Variants in IGSF21 observed in about 807,000 individuals in gnomAD.
The protein encoded by IGSF21 is immunoglobulin superfamily member 21.
A neutral mutation model predicts 46.8 loss-of-function variants in IGSF21; 28 were observed. That is an observed-to-expected ratio of 0.60 (90% CI 0.44 to 0.82). IGSF21 has a LOEUF of 0.82. Ranked by LOEUF, IGSF21 falls within the 40% of genes least tolerant of loss-of-function variation. The probability of loss-of-function intolerance (pLI) is 0.00; values close to 1 mark genes in which losing one functional copy is unlikely to be tolerated. For synonymous variants in IGSF21, 284 were observed against 273.6 expected, an observed-to-expected ratio of 1.04 and a Z score of -0.38; for missense variants, 624 against 665.5, an observed-to-expected ratio of 0.94 and a Z score of 0.69.
chr1:18,354,496 C>G (rs2085994050), intron 4 of IGSF21, among the ~76,000 whole-genome samples: 1 of 152,152 alleles, frequency 6.6e-6, no homozygotes, highest in Non-Finnish European at 1.5e-5. Flanking sequence ...TGGTTTTCTT[C>G]TTTTGTGAAA....
chr1:18,368,435 C>A (rs1366239519), intron 6 of IGSF21, among the ~76,000 whole-genome samples: 6 of 150,008 alleles, frequency 4.0e-5, no homozygotes, highest in Non-Finnish European at 8.9e-5. Context: ...CACTTGAACC[C>A]AGGAGGCAGA....
At position 18,183,404 on chromosome 1, in the gene IGSF21, C is replaced by T. The variant is rs60261372; in HGVS notation, c.71-44494C>T. On this transcript the variant is annotated intron_variant, in intron 1 of 9. Coordinates refer to ENST00000251296, the MANE Select transcript of IGSF21 (RefSeq NM_032880.5). ...AATTAAACCTCAAGGTAGCTGGTAA[C>T]AATGAATGCAAGTAGATAGGATATA... is the stretch of plus-strand genomic sequence containing the variant. Among the ~76,000 whole-genome samples the T allele has an allele frequency of 7.7e-3, 1,171 of 152,210 alleles. 16 individuals are homozygous for T. The highest frequency in any genetic ancestry group is 0.018 in the African/African-American group (744 of 41,512).
chr1:18,350,351 G>A (rs1452495770), intron 4 of IGSF21, among the ~76,000 whole-genome samples: 1 of 152,190 alleles, frequency 6.6e-6, no homozygotes, highest in Non-Finnish European at 1.5e-5. Flanking sequence ...ACCTGGGTCA[G>A]GGCAAGGCCA....
chr1:18,262,810 C>T lies in IGSF21; in HGVS notation c.184-29056C>T, dbSNP rs183370506. On this transcript the variant is annotated intron_variant, in intron 2 of 9. Transcript: ENST00000251296. ...TCCAGAGGCAAGCTTTACTAGAGAC[C>T]TGGCCTCAAGGGGCTGCCTGCGACC... Among the ~76,000 whole-genome samples, 343 of 152,298 alleles carry T rather than the reference C, an allele frequency of 2.3e-3. 4 individuals are homozygous for T. Among genetic ancestry groups the T allele is most frequent in the Non-Finnish European group, 2.8e-3 (188 of 68,024 alleles).
chr1:18,302,181 A>T (rs56160085), intron 3 of IGSF21, among the ~76,000 whole-genome samples: 108,864 of 135,190 alleles, frequency 0.81, 41,269 homozygotes, highest in East Asian at 0.95. Flanking sequence ...CTCCAGGCCC[A>T]AGCTCCAATG....
intron 4 of IGSF21, among the ~76,000 whole-genome samples, chr1:18,348,413 C>A (rs2085916706): frequency 6.6e-6 from 1 of 152,210 alleles, no homozygotes; most frequent in South Asian, 2.1e-4. Flanking sequence ...GCCTCCCAGG[C>A]CCCGCCAGAG....
intron 3 of IGSF21, among the ~76,000 whole-genome samples, chr1:18,302,552 C>T (rs528392319): frequency 1.3e-5 from 2 of 152,286 alleles, no homozygotes; most frequent in African/African-American, 4.8e-5. Context: ...TTCTCTCCCC[C>T]CTTTCCAAGA....
At chr1:18,229,247 G>T (rs2084600259) in intron 2 of IGSF21, among the ~76,000 whole-genome samples, 1 of 152,154 alleles carries the variant, frequency 6.6e-6, no homozygotes, top group African/African-American at 2.4e-5. Flanking sequence ...TGGGGGGTGG[G>T]CACCAAACTG....
intron 1 of IGSF21, among the ~76,000 whole-genome samples, chr1:18,220,293 A>G (rs2084496994): frequency 6.6e-6 from 1 of 152,044 alleles, no homozygotes; most frequent in African/African-American, 2.4e-5. Flanking sequence ...TGCAGTTCTG[A>G]TGCTTGGTTT....
At chr1:18,295,724 T>C (rs895926903) in intron 3 of IGSF21, among the ~76,000 whole-genome samples, 3 of 152,218 alleles carry the variant, frequency 2.0e-5, no homozygotes, top group Non-Finnish European at 1.5e-5. Flanking sequence ...TCCTTGGTGC[T>C]TCCACAGGGC....
At chr1:18,241,960 C>T (rs2084732639) in intron 2 of IGSF21, among the ~76,000 whole-genome samples, 1 of 152,172 alleles carries the variant, frequency 6.6e-6, no homozygotes. Flanking sequence ...TCTGGATCCC[C>T]CTTTGGGAAG....
intron 4 of IGSF21, among the ~76,000 whole-genome samples, chr1:18,349,237 A>G (rs571974304): frequency 6.6e-6 from 1 of 152,294 alleles, no homozygotes; most frequent in African/African-American, 2.4e-5. Flanking sequence ...CTCTGAAGCC[A>G]GAGCTTGGCC....
chr1:18,311,772 C>T (rs1056733072), intron 3 of IGSF21, among the ~76,000 whole-genome samples: 1 of 152,178 alleles, frequency 6.6e-6, no homozygotes, highest in African/African-American at 2.4e-5. Flanking sequence ...AAGGGATTTC[C>T]CTTTATAAAA....
intron 3 of IGSF21, among the ~76,000 whole-genome samples, chr1:18,306,847 C>T (rs1012769331): frequency 6.6e-6 from 1 of 152,210 alleles, no homozygotes; most frequent in African/African-American, 2.4e-5. Flanking sequence ...CTTCACTTAT[C>T]GGCCCCTTCC....
At chr1:18,297,454 G>C (rs897720165) in intron 3 of IGSF21, among the ~76,000 whole-genome samples, 4 of 152,154 alleles carry the variant, frequency 2.6e-5, no homozygotes, top group South Asian at 2.1e-4. Context: ...GACATAATCA[G>C]ACCTGCTTTC....
intron 2 of IGSF21, among the ~76,000 whole-genome samples, chr1:18,275,578 G>A (rs1425979428): frequency 6.6e-6 from 1 of 152,104 alleles, no homozygotes; most frequent in African/African-American, 2.4e-5. Context: ...ACTATCTGAT[G>A]GGGGAGCAGT....
At chr1:18,158,621 T>G (rs138225225) in intron 1 of IGSF21, among the ~76,000 whole-genome samples, 3 of 152,198 alleles carry the variant, frequency 2.0e-5, no homozygotes, top group Non-Finnish European at 4.4e-5. Context: ...TGCCCTTGAC[T>G]TTGGAGCTCC....
intron 4 of IGSF21, among the ~76,000 whole-genome samples, chr1:18,343,163 T>C (rs1176615175): frequency 1.3e-5 from 2 of 152,240 alleles, no homozygotes; most frequent in African/African-American, 2.4e-5. Flanking sequence ...GTGATGTCTC[T>C]TTGTGGCTTT....
intron 1 of IGSF21, among the ~76,000 whole-genome samples, chr1:18,145,279 G>A (rs1174691446): frequency 2.0e-5 from 3 of 152,124 alleles, no homozygotes; most frequent in Non-Finnish European, 2.9e-5. Context: ...TGACCCTTGT[G>A]TGGGTATCTG....
Sources: gnomAD v4.1 joint callset for allele counts (sites outside exome capture counted in the v4.1 genomes callset) on GRCh38, gnomAD v4.1.1 for gene constraint, MANE v1.5 for transcripts, NCBI Gene and HGNC (gene_info 2026-07-23, HGNC 2026-07-21) for gene names.